MAPK10: variants seen among roughly 807,000 people sequenced by gnomAD.
The protein encoded by MAPK10 is mitogen-activated protein kinase 10, also known as JNK3 alpha protein kinase.
MAPK10 carries 25 observed loss-of-function variants against 59.3 expected under a neutral mutation model. The observed-to-expected ratio is 0.42, with a 90% CI of 0.31 to 0.59. The LOEUF (loss-of-function observed/expected upper bound fraction) is 0.59. Ranked by LOEUF, MAPK10 falls within the 20% of genes least tolerant of loss-of-function variation. MAPK10 has a pLI of 0.15. For missense variants in MAPK10, 351 were observed against 568.9 expected, an observed-to-expected ratio of 0.62 and a Z score of 3.90; for synonymous variants, 190 against 200.5, an observed-to-expected ratio of 0.95 and a Z score of 0.44.
At chr4:86,171,941 G>C (rs2074307446) in intron 3 of MAPK10, among the ~76,000 whole-genome samples, 1 of 150,646 alleles carries the variant, frequency 6.6e-6, no homozygotes, top group Non-Finnish European at 1.5e-5. Flanking sequence ...CTCAAAAGAA[G>C]ACATTTATGC....
chr4:86,366,208 T>C (rs1008075875), intron 1 of MAPK10, among the ~76,000 whole-genome samples: 2 of 152,110 alleles, frequency 1.3e-5, no homozygotes, highest in Non-Finnish European at 2.9e-5. Context: ...TCTATGGAGA[T>C]AGGAATCAGA....
At chr4:86,175,997 A>G (rs191658563) in intron 3 of MAPK10, 41 of 152,288 alleles carry the variant, frequency 2.7e-4, no homozygotes, top group African/African-American at 9.6e-4. Flanking sequence ...AGAGAAGATG[A>G]ACAAAAGAGG....
At chr4:86,443,274 A>C (rs1187240502) in intron 1 of MAPK10, among the ~76,000 whole-genome samples, 4 of 151,934 alleles carry the variant, frequency 2.6e-5, no homozygotes. Flanking sequence ...CAGCTGGGAG[A>C]GGTGAAAGTA....
rs1030583508 is a variant in MAPK10 at position 86,251,156 on chromosome 4, TTTTATTTTATTTTATTTTA to T, written c.-6-56768_-6-56750del. 6.7e-5 allele frequency among the ~76,000 whole-genome samples: 5 copies of T among 74,326 alleles called. No individual in the cohort carries two copies. In the African/African-American group the frequency reaches 8.9e-4, roughly 13 times the overall value. The allele number at this position is 74,326 out of a possible 152,430, so 48.8% of individuals were successfully genotyped here. A position where few individuals can be genotyped will look rare whatever the true frequency, so the allele number is the denominator to read the frequency against. ...TAAATAGAACATCGTTTTTATTTTA[TTTTATTTTATTTTATTTTA>T]TTTATTTTTTTAATTATACTTTAAA... On this transcript the variant is annotated intron_variant, in intron 2 of 13. Transcript: ENST00000641462.
intron 1 of MAPK10, among the ~76,000 whole-genome samples, chr4:86,509,126 C>CT (rs1337136526): frequency 2.6e-5 from 4 of 151,780 alleles, no homozygotes; most frequent in Non-Finnish European, 1.5e-5. Context: ...CTGCTTAGAT[C>CT]TTTTTTTAGA....
At chr4:86,035,885 G>T (rs938343101) in intron 11 of MAPK10, among the ~76,000 whole-genome samples, 1 of 152,188 alleles carries the variant, frequency 6.6e-6, no homozygotes, top group Non-Finnish European at 1.5e-5. Context: ...CTAGAGATGT[G>T]TATAGATTTG....
intron 2 of MAPK10, among the ~76,000 whole-genome samples, chr4:86,215,069 G>C (rs2087065337): frequency 6.6e-6 from 1 of 152,124 alleles, no homozygotes. Context: ...CTGATGTATA[G>C]ATCAATGAAA....
Position 86,493,870 on chromosome 4 carries a change from A to G in MAPK10, c.-263+100040T>C, listed in dbSNP as rs558851548. Among the ~76,000 whole-genome samples, 3 of 152,298 alleles carry G rather than the reference A, an allele frequency of 2.0e-5. No homozygotes were observed. The South Asian group carries it at 6.2e-4, about 32-fold the overall frequency. Reference sequence around the variant, plus strand: ...TTTTCCAATACCCAAGAGAAGGTAAAGTCTTAAGCCTTTCTTTCCTGAGAG... The same window carrying G: ...TTTTCCAATACCCAAGAGAAGGTAAGGTCTTAAGCCTTTCTTTCCTGAGAG... On this transcript the variant is annotated intron_variant, in intron 1 of 4. Transcript: ENST00000502302.
At chr4:86,365,785 TTCAAATAAAACTGTATGTAA>T (rs2148988944) in intron 1 of MAPK10, among the ~76,000 whole-genome samples, 1 of 152,308 alleles carries the variant, frequency 6.6e-6, no homozygotes, top group East Asian at 1.9e-4. Flanking sequence ...TCAAAGTGCT[TTCAAATAAAACTGTATGTAA>T]TATAGAAGTC....
intron 1 of MAPK10, among the ~76,000 whole-genome samples, chr4:86,372,830 C>T (rs1739119465): frequency 6.6e-6 from 1 of 152,118 alleles, no homozygotes; most frequent in Non-Finnish European, 1.5e-5. Context: ...AAAACCAACA[C>T]CCTAACATCA....
At chr4:86,297,391 C>A (rs545735675) in intron 2 of MAPK10, among the ~76,000 whole-genome samples, 1 of 152,224 alleles carries the variant, frequency 6.6e-6, no homozygotes, top group South Asian at 2.1e-4. Context: ...CTCACTGCAA[C>A]CCCTGCCTCC....
At chr4:86,269,274 TG>T (rs1405526964) in intron 2 of MAPK10, among the ~76,000 whole-genome samples, 1 of 152,208 alleles carries the variant, frequency 6.6e-6, no homozygotes, top group Non-Finnish European at 1.5e-5. Flanking sequence ...TACATTGCCC[TG>T]TCATTATGAC....
At chr4:86,038,896 A>G (rs1382038142) in intron 11 of MAPK10, among the ~76,000 whole-genome samples, 1 of 152,168 alleles carries the variant, frequency 6.6e-6, no homozygotes, top group East Asian at 1.9e-4. Context: ...CAGTAATGTG[A>G]CCTTACTATG....
At chr4:86,378,351 G>T (rs1297954648) in intron 1 of MAPK10, among the ~76,000 whole-genome samples, 1 of 151,966 alleles carries the variant, frequency 6.6e-6, no homozygotes, top group African/African-American at 2.4e-5. Context: ...CTTCCTTAAC[G>T]TGTGCATTAT....
chr4:86,403,708 T>C (rs1744010543), intron 1 of MAPK10, among the ~76,000 whole-genome samples: 1 of 152,060 alleles, frequency 6.6e-6, no homozygotes, highest in Non-Finnish European at 1.5e-5. Flanking sequence ...GCAGGGGAAA[T>C]GCCAGATGCT....
rs1265773919 is a variant in MAPK10, at chr4:86,354,603, A to G, written c.-80T>C. On this transcript the variant is annotated 5_prime_UTR_variant, in exon 2 of 14. Transcript: ENST00000641462. ...GTTTCTTGCATAAGTTGCCATAGTG[A>G]AGATCTGAGATGGGCCTGCTGTTGG... 3 of 1,231,098 alleles carry G rather than the reference A, an allele frequency of 2.4e-6. No homozygotes were observed. Among genetic ancestry groups the G allele is most frequent in the Non-Finnish European group, 3.0e-6 (3 of 987,294 alleles). The allele number at this position is 1,231,098 out of a possible 1,614,324, so 76.3% of individuals were successfully genotyped here.
chr4:86,409,414 G>A (rs1744832818), intron 1 of MAPK10, among the ~76,000 whole-genome samples: 1 of 152,146 alleles, frequency 6.6e-6, no homozygotes, highest in Non-Finnish European at 1.5e-5. Flanking sequence ...GAACTTTAAA[G>A]TAGTTTTTTC....
intron 2 of MAPK10, among the ~76,000 whole-genome samples, chr4:86,227,090 G>T (rs557316936): frequency 1.1e-4 from 16 of 152,256 alleles, no homozygotes; most frequent in African/African-American, 3.9e-4. Context: ...AGCCCTTGAT[G>T]AATCAGAAAT....
At chr4:86,306,839 G>C (rs1175029625) in intron 2 of MAPK10, among the ~76,000 whole-genome samples, 1 of 152,146 alleles carries the variant, frequency 6.6e-6, no homozygotes, top group Non-Finnish European at 1.5e-5. Context: ...AAGGCCACGA[G>C]TACTAATGTT....
Sources: gnomAD v4.1 joint callset for allele counts (sites outside exome capture counted in the v4.1 genomes callset) on GRCh38, gnomAD v4.1.1 for gene constraint, MANE v1.5 for transcripts, NCBI Gene and HGNC (gene_info 2026-07-23, HGNC 2026-07-21) for gene names.